TNIP3: variants seen among roughly 807,000 people sequenced by gnomAD.
TNIP3 encodes the protein TNFAIP3 interacting protein 3, also known as TNFAIP3-interacting protein 3.
A neutral mutation model predicts 54.1 loss-of-function variants in TNIP3; 34 were observed. The ratio of observed to expected loss-of-function variants is 0.63; its 90% CI spans 0.48 to 0.84. The LOEUF (loss-of-function observed/expected upper bound fraction) is 0.84, where lower values mean the gene tolerates loss of function less well. Among genes scored for constraint, TNIP3 ranks in the 40% least tolerant of loss-of-function variants. TNIP3 has a pLI of 0.00. For synonymous variants in TNIP3, 134 were observed against 136.8 expected, an observed-to-expected ratio of 0.98 and a Z score of 0.14; for missense variants, 366 against 387.6, an observed-to-expected ratio of 0.94 and a Z score of 0.47.
upstream of TNIP3, among the ~76,000 whole-genome samples, chr4:121,218,186 C>T (rs1047802872): frequency 6.6e-6 from 1 of 152,114 alleles, no homozygotes; most frequent in Non-Finnish European, 1.5e-5. Flanking sequence ...CATCATAACA[C>T]TATATTTCTT....
At chr4:121,184,725 A>G (rs562963549) in intron 2 of TNIP3, among the ~76,000 whole-genome samples, 62 of 152,248 alleles carry the variant, frequency 4.1e-4, no homozygotes, top group Admixed American at 5.9e-4. Flanking sequence ...TTTCATATTT[A>G]TATTGTTTCT....
At chr4:121,203,234 T>TAGAC (rs1725995777) in intron 2 of TNIP3, among the ~76,000 whole-genome samples, 1 of 151,420 alleles carries the variant, frequency 6.6e-6, no homozygotes, top group Non-Finnish European at 1.5e-5. Context: ...GATAGATAGA[T>TAGAC]AGATAGATAG....
chr4:121,209,193 T>C (rs1314751508), intron 2 of TNIP3, among the ~76,000 whole-genome samples: 1 of 152,246 alleles, frequency 6.6e-6, no homozygotes, highest in African/African-American at 2.4e-5. Context: ...TGGATTCTTT[T>C]CATCTGGCTG....
chr4:121,142,011 G>A (rs1194343156), intron 8 of TNIP3, 97 bp from the exon 9 acceptor site: 3 of 705,170 alleles, frequency 4.3e-6, no homozygotes, highest in African/African-American at 1.8e-5. Context: ...CAATCTTAAG[G>A]TTCCACTTAA....
Position 121,202,966 on chromosome 4 carries a change from A to G in TNIP3, c.68+13449T>C, listed in dbSNP as rs138512873. On this transcript the variant is annotated intron_variant, in intron 2 of 12. Transcript: ENST00000507879. ...GATGTGGTGAAAAGGGAACACTTTT[A>G]CACTGCTGTTGGGAATGAAAACTAC... 4.0e-3 allele frequency among the ~76,000 whole-genome samples: 603 copies of G among 152,316 alleles called. 2 individuals are homozygous for G. The highest frequency in any genetic ancestry group is 9.0e-3 in the African/African-American group (374 of 41,584).
At chr4:121,221,645 C>G (rs1251932053) in intron 1 of TNIP3, among the ~76,000 whole-genome samples, 1 of 152,178 alleles carries the variant, frequency 6.6e-6, no homozygotes, top group Non-Finnish European at 1.5e-5. Flanking sequence ...GAAAATTACA[C>G]ACCACTCTCA....
chr4:121,214,396 T>C (rs1726668460), intron 2 of TNIP3, among the ~76,000 whole-genome samples: 1 of 152,250 alleles, frequency 6.6e-6, no homozygotes, highest in Admixed American at 6.5e-5. Context: ...AAATTCTACA[T>C]AATTTTCATC....
chr4:121,140,737 A>C (rs1729067837), intron 9 of TNIP3, among the ~76,000 whole-genome samples: 2 of 152,318 alleles, frequency 1.3e-5, no homozygotes, highest in South Asian at 4.1e-4. Context: ...GTTATTGGTA[A>C]AGACTGAAAA....
At chr4:121,201,347 C>G (rs564867775) in intron 2 of TNIP3, among the ~76,000 whole-genome samples, 4 of 152,164 alleles carry the variant, frequency 2.6e-5, no homozygotes, top group Admixed American at 2.6e-4. Flanking sequence ...GCAGCAGGGT[C>G]CAGAGTGGAA....
At chr4:121,177,982 G>C (rs1272160657) in intron 3 of TNIP3, among the ~76,000 whole-genome samples, 1 of 152,180 alleles carries the variant, frequency 6.6e-6, no homozygotes, top group Non-Finnish European at 1.5e-5. Flanking sequence ...ATTTACCCGG[G>C]GGAGAGAATC....
intron 10 of TNIP3, among the ~76,000 whole-genome samples, chr4:121,133,284 T>G (rs1225037769): frequency 1.3e-5 from 2 of 152,206 alleles, no homozygotes; most frequent in African/African-American, 4.8e-5. Context: ...AAAAATATGC[T>G]GAATGTTTTG....
intron 2 of TNIP3, among the ~76,000 whole-genome samples, chr4:121,189,107 A>G (rs867296546): frequency 2.0e-5 from 3 of 152,122 alleles, no homozygotes; most frequent in South Asian, 2.1e-4. Context: ...CATTTAATTG[A>G]CCTCCTGCAT....
At chr4:121,213,853 C>A (rs28452943) in intron 2 of TNIP3, among the ~76,000 whole-genome samples, 5,387 of 151,972 alleles carry the variant, frequency 0.035, 316 homozygotes, top group African/African-American at 0.12. Context: ...AAAAGGATGA[C>A]CCCAGGATCA....
intron 2 of TNIP3, among the ~76,000 whole-genome samples, chr4:121,204,562 A>G (rs966340435): frequency 6.6e-6 from 1 of 152,134 alleles, no homozygotes; most frequent in East Asian, 1.9e-4. Context: ...CTTGTCTCAG[A>G]TTTTCAGGGT....
chr4:121,199,778 G>A (rs1423224141), intron 2 of TNIP3, among the ~76,000 whole-genome samples: 1 of 152,132 alleles, frequency 6.6e-6, no homozygotes, highest in Non-Finnish European at 1.5e-5. Flanking sequence ...AGGAAACCAA[G>A]GAAGCCTAAT....
intron 3 of TNIP3, chr4:121,182,660 A>G (rs1364509626): frequency 5.9e-6 from 9 of 1,533,622 alleles, no homozygotes; most frequent in Non-Finnish European, 7.8e-6. Flanking sequence ...TAAGGAGAAA[A>G]AAGGTGTTTT....
intron 2 of TNIP3, among the ~76,000 whole-genome samples, chr4:121,215,544 C>T (rs1057466478): frequency 5.3e-5 from 8 of 152,254 alleles, no homozygotes; most frequent in African/African-American, 1.4e-4. Flanking sequence ...CGTGACTTTC[C>T]TACCACCACG....
At chr4:121,152,464 T>C (rs909713787) in intron 5 of TNIP3, among the ~76,000 whole-genome samples, 66 of 152,182 alleles carry the variant, frequency 4.3e-4, no homozygotes, top group Non-Finnish European at 1.0e-4. Context: ...TTTTATTTTT[T>C]GCTCACTACC....
intron 1 of TNIP3, among the ~76,000 whole-genome samples, chr4:121,222,935 A>G (rs1032424983): frequency 6.6e-6 from 1 of 151,412 alleles, no homozygotes; most frequent in Non-Finnish European, 1.5e-5. Flanking sequence ...CCTCCCGAGT[A>G]GCTGGGACTA....
Sources: gnomAD v4.1 joint callset for allele counts (sites outside exome capture counted in the v4.1 genomes callset) on GRCh38, gnomAD v4.1.1 for gene constraint, MANE v1.5 for transcripts, NCBI Gene and HGNC (gene_info 2026-07-23, HGNC 2026-07-21) for gene names.